Variants in LHPP observed in about 807,000 individuals in gnomAD.
LHPP encodes the protein hLHPP.
A neutral mutation model predicts 30.3 loss-of-function variants in LHPP; 24 were observed. The observed-to-expected ratio is 0.79, with a 90% CI of 0.57 to 1.11. The LOEUF (loss-of-function observed/expected upper bound fraction) is 1.11. Ranked by LOEUF, LHPP falls within the 50% of genes most tolerant of loss-of-function variation. LHPP has a pLI of 0.00. For synonymous variants in LHPP, 150 were observed against 157.1 expected, an observed-to-expected ratio of 0.95 and a Z score of 0.34; for missense variants, 356 against 367.2, an observed-to-expected ratio of 0.97 and a Z score of 0.25.
intron 3 of LHPP, among the ~76,000 whole-genome samples, chr10:124,493,184 C>G (rs1007152734): frequency 8.6e-5 from 13 of 151,034 alleles, no homozygotes; most frequent in Admixed American, 7.9e-4. Context: ...TCATAGTAGA[C>G]AAGGGTTTTT....
At chr10:124,532,839 G>A (rs1954932201) in intron 6 of LHPP, among the ~76,000 whole-genome samples, 1 of 152,204 alleles carries the variant, frequency 6.6e-6, no homozygotes, top group Non-Finnish European at 1.5e-5. Flanking sequence ...GGCCCCTATG[G>A]AAGATTAGCT....
intron 3 of LHPP, among the ~76,000 whole-genome samples, chr10:124,490,731 GT>G (rs1252293047): frequency 6.6e-6 from 1 of 152,176 alleles, no homozygotes; most frequent in Non-Finnish European, 1.5e-5. Flanking sequence ...TCCAGATACA[GT>G]TACAGAACGA....
chr10:124,535,313 G>A (rs1384276444), intron 6 of LHPP, among the ~76,000 whole-genome samples: 6 of 152,226 alleles, frequency 3.9e-5, no homozygotes, highest in East Asian at 1.9e-4. Context: ...GTCGAACTCC[G>A]TCATCTATGC....
intron 6 of LHPP, among the ~76,000 whole-genome samples, chr10:124,601,776 C>A (rs1245992988): frequency 6.6e-6 from 1 of 152,268 alleles, no homozygotes; most frequent in African/African-American, 2.4e-5. Flanking sequence ...CCAGGCCCCA[C>A]TGCTCTCTGC....
intron 1 of LHPP, among the ~76,000 whole-genome samples, chr10:124,482,931 C>T (rs75075033): frequency 0.082 from 12,547 of 152,280 alleles, 701 homozygotes; most frequent in Non-Finnish European, 0.11. Flanking sequence ...GCCTGGAGAT[C>T]AGGGAACTTT....
At chr10:124,535,792 G>A (rs991907684) in intron 6 of LHPP, among the ~76,000 whole-genome samples, 1 of 152,242 alleles carries the variant, frequency 6.6e-6, no homozygotes, top group Non-Finnish European at 1.5e-5. Context: ...GGTATCAGGA[G>A]GAGACACTCA....
chr10:124,572,877 G>C (rs1244766652), intron 6 of LHPP, among the ~76,000 whole-genome samples: 22 of 152,202 alleles, frequency 1.4e-4, no homozygotes, highest in Admixed American at 1.4e-3. Flanking sequence ...CCTGTCGTGT[G>C]TAGAAACACA....
chr10:124,587,024 CTTTTTT>C (rs57728201), intron 6 of LHPP, among the ~76,000 whole-genome samples: 1 of 120,742 alleles, frequency 8.3e-6, no homozygotes, highest in Non-Finnish European at 1.7e-5. Flanking sequence ...GTGCTTGCTA[CTTTTTT>C]TTTTTTTTTT....
intron 6 of LHPP, among the ~76,000 whole-genome samples, chr10:124,600,341 GC>G (rs1949005267): frequency 6.6e-6 from 1 of 152,224 alleles, no homozygotes; most frequent in South Asian, 2.1e-4. Context: ...TGCCTGCTTC[GC>G]CAAAGGCACA....
Position 124,510,956 on chromosome 10 carries a change from T to C in LHPP, c.625-6224T>C, listed in dbSNP as rs566977415. Among the ~76,000 whole-genome samples the C allele has an allele frequency of 2.1e-4, 32 of 152,350 alleles. No individual in the cohort carries two copies. The highest frequency in any genetic ancestry group is 4.6e-4 in the Admixed American group (7 of 15,310). On this transcript the variant is annotated intron_variant, in intron 5 of 6. Coordinates refer to ENST00000368842, the MANE Select transcript of LHPP (RefSeq NM_022126.4). The surrounding 1 kb of genome is among the most constrained non-coding windows in gnomAD (Gnocchi z 4.0). Reference sequence around the variant, plus strand: ...CTTTTCCCAACCCTCAGAGTGCCCCTTGTGCATGCAGCAGACACTGGTGCT... The same window carrying C: ...CTTTTCCCAACCCTCAGAGTGCCCCCTGTGCATGCAGCAGACACTGGTGCT...
intron 6 of LHPP, among the ~76,000 whole-genome samples, chr10:124,542,648 C>T (rs1393472394): frequency 1.5e-4 from 23 of 152,270 alleles, no homozygotes; most frequent in Non-Finnish European, 2.4e-4. Context: ...GACCTTGGTC[C>T]CCATCCCAGC....
rs1954276116 is a variant in LHPP, at chr10:124,510,693, T to C, written c.625-6487T>C. On this transcript the variant is annotated intron_variant, in intron 5 of 6. Coordinates refer to ENST00000368842, the MANE Select transcript of LHPP (RefSeq NM_022126.4). This position sits in a 1 kb window ranked among gnomAD's most constrained non-coding sequence, Gnocchi z 4.0. ...TCCCCGGAAGCATGGAGGTGTAGGA[T>C]GACATGTAATATTTGGAAGACCCAT... Among the ~76,000 whole-genome samples, 1 of 152,228 alleles carries C rather than the reference T, an allele frequency of 6.6e-6. No individual in the cohort carries two copies.
At chr10:124,492,532 A>G (rs1160621675) in intron 3 of LHPP, among the ~76,000 whole-genome samples, 2 of 152,180 alleles carry the variant, frequency 1.3e-5, no homozygotes, top group African/African-American at 2.4e-5. Context: ...AAAGCCTGCA[A>G]CTGGTTGGAT....
At chr10:124,587,672 G>A (rs1440715728) in intron 6 of LHPP, among the ~76,000 whole-genome samples, 1 of 144,146 alleles carries the variant, frequency 6.9e-6, no homozygotes, top group Admixed American at 7.0e-5. Context: ...CCTAGGAGGT[G>A]GAGATTGCAG....
chr10:124,602,485 C>T (rs1273953458), intron 6 of LHPP, among the ~76,000 whole-genome samples: 1 of 152,168 alleles, frequency 6.6e-6, no homozygotes, highest in African/African-American at 2.4e-5. Context: ...GGGCAGCAGG[C>T]AGGCCTATTT....
chr10:124,486,483 A>G (rs1953331052), intron 2 of LHPP, among the ~76,000 whole-genome samples: 2 of 152,246 alleles, frequency 1.3e-5, no homozygotes, highest in Admixed American at 1.3e-4. Context: ...GAAAGAATAA[A>G]GATTAAATTC....
intron 6 of LHPP, among the ~76,000 whole-genome samples, chr10:124,537,422 G>A (rs571650835): frequency 1.1e-4 from 16 of 152,350 alleles, no homozygotes; most frequent in South Asian, 8.3e-4. Context: ...GGCAGCAGGC[G>A]GGCCCAGCCC....
intron 6 of LHPP, among the ~76,000 whole-genome samples, chr10:124,547,437 G>A (rs1205836355): frequency 6.6e-6 from 1 of 152,244 alleles, no homozygotes; most frequent in Non-Finnish European, 1.5e-5. Context: ...AGTTCTAGAA[G>A]AGTCTGCAGC....
intron 6 of LHPP, among the ~76,000 whole-genome samples, chr10:124,524,033 AC>A (rs1780024443): frequency 6.6e-6 from 1 of 152,088 alleles, no homozygotes; most frequent in Non-Finnish European, 1.5e-5. Context: ...AAGCCTGTAC[AC>A]TTTTTTCTTT....
Sources: allele counts gnomAD v4.1 joint callset (sites outside exome capture counted in the v4.1 genomes callset), GRCh38; gene constraint gnomAD v4.1.1; non-coding constraint Gnocchi (gnomAD v3.1); transcripts MANE v1.5; gene names NCBI Gene and HGNC (gene_info 2026-07-23, HGNC 2026-07-21).